DENND2B: variants seen among roughly 807,000 people sequenced by gnomAD.
The protein encoded by DENND2B is DENN domain-containing protein 2B.
DENND2B carries 32 observed loss-of-function variants against 116.0 expected under a neutral mutation model. The ratio of observed to expected loss-of-function variants is 0.28; its 90% confidence interval spans 0.21 to 0.37. DENND2B has a LOEUF of 0.37. DENND2B is among the 10% of genes least tolerant of loss of function. The pLI is 1.00. For missense variants in DENND2B, 1,276 were observed against 1,477.7 expected, an observed-to-expected ratio of 0.86 and a Z score of 2.24; for synonymous variants, 588 against 583.9, an observed-to-expected ratio of 1.01 and a Z score of -0.10.
At chr11:8,872,501 AAG>A, upstream of DENND2B, among the ~76,000 whole-genome samples, 1 of 151,772 alleles carries the variant, frequency 6.6e-6, no homozygotes, top group African/African-American at 2.4e-5. Context: ...AAAAAAAAAA[AAG>A]AAAAAAAAAG....
In DENND2B at chr11:8,885,886, T is replaced by G. The variant is rs139269805; in HGVS notation, c.-255-4777A>C. On this transcript the variant is annotated intron_variant, in intron 1 of 22. Transcript: ENST00000534127. ...TCAGCTATAATTACATTGAATTTTC[T>G]GAAAGAGAGACTAATGTGAACAATA... Among the ~76,000 whole-genome samples, 756 of 152,318 alleles carry G rather than the reference T, an allele frequency of 5.0e-3. 12 individuals are homozygous for G. The highest frequency in any genetic ancestry group is 0.017 in the African/African-American group (716 of 41,580).
At chr11:8,813,386 T>G (rs1185945199), upstream of DENND2B, among the ~76,000 whole-genome samples, 1 of 151,978 alleles carries the variant, frequency 6.6e-6, no homozygotes, top group Non-Finnish European at 1.5e-5. Flanking sequence ...ATCCCAAGTC[T>G]ACAAAGAAAG....
At chr11:8,908,987 A>C (rs2064274245) in intron 1 of DENND2B, among the ~76,000 whole-genome samples, 1 of 152,172 alleles carries the variant, frequency 6.6e-6, no homozygotes, top group Non-Finnish European at 1.5e-5. Context: ...TCACACATTC[A>C]AGGGCTATTT....
intron 1 of DENND2B, among the ~76,000 whole-genome samples, chr11:8,885,191 G>T (rs2134733653): frequency 6.6e-6 from 1 of 152,292 alleles, no homozygotes; most frequent in African/African-American, 2.4e-5. Context: ...TGCTTATCTG[G>T]TTCCTGACCC....
intron 3 of DENND2B, among the ~76,000 whole-genome samples, chr11:8,853,950 G>A (rs1263326218): frequency 6.8e-6 from 1 of 146,428 alleles, no homozygotes; most frequent in East Asian, 2.1e-4. Context: ...CTGGGCTCAA[G>A]CAATCCTCCC....
At chr11:8,696,746 T>C in intron 17 of DENND2B, 80 bp from the exon 18 acceptor site, 1 of 1,562,568 alleles carries the variant, frequency 6.4e-7, no homozygotes, top group Admixed American at 1.8e-5. Flanking sequence ...GTAGTCTTCC[T>C]CTCCCCAACA....
In DENND2B at chr11:8,707,699, C is replaced by T; in HGVS notation, c.2430+78G>A. The T allele has an allele frequency of 7.0e-7, 1 of 1,435,410 alleles. No individual in the cohort carries two copies. The highest frequency in any genetic ancestry group is 9.5e-7 in the Non-Finnish European group (1 of 1,048,988). The allele number at this position is 1,435,410 out of a possible 1,614,324, so 88.9% of individuals were successfully genotyped here. On this transcript the variant is annotated intron_variant, in intron 12 of 19. Transcript: ENST00000313726. This position sits in a 1 kb window ranked among gnomAD's most constrained non-coding sequence, Gnocchi z 4.8. ...CGCTCACAGTCACAGGTGGTTTTCTCATCTAAGCTGGCTGCAGATACTCCT... is the reference window on the plus strand; with the variant it reads ...CGCTCACAGTCACAGGTGGTTTTCTTATCTAAGCTGGCTGCAGATACTCCT...
intron 1 of DENND2B, among the ~76,000 whole-genome samples, chr11:8,886,342 G>A (rs903502286): frequency 6.6e-6 from 1 of 152,070 alleles, no homozygotes; most frequent in Non-Finnish European, 1.5e-5. Context: ...AAGACACAAA[G>A]ATTTTCATTG....
In DENND2B at chr11:8,822,277, C is replaced by T. The variant is rs114645382; in HGVS notation, c.-114-10942G>A. On this transcript the variant is annotated intron_variant, in intron 4 of 6. Transcript: ENST00000524757. ...AGCATGATAATTAGATATACTAATA[C>T]ACTGTGAAACAACTATCACAAACAA... Among the ~76,000 whole-genome samples, 384 of 152,242 alleles carry T rather than the reference C, an allele frequency of 2.5e-3. 3 individuals carry two copies. Among genetic ancestry groups the T allele is most frequent in the African/African-American group, 9.0e-3 (372 of 41,550 alleles).
Position 8,817,426 on chromosome 11 carries a change from G to A in DENND2B, c.-114-6091C>T, listed in dbSNP as rs146498421. Among the ~76,000 whole-genome samples, 432 of 152,238 alleles carry A rather than the reference G, an allele frequency of 2.8e-3. 6 individuals carry two copies. Among genetic ancestry groups the A allele is most frequent in the African/African-American group, 0.01 (417 of 41,540 alleles). ...CTTGCACAGCCTTCCTAGGAAGGCA[G>A]AGAAATACCCATTCTGTGGTCAAGT... On this transcript the variant is annotated intron_variant, in intron 4 of 6. Coordinates refer to the DENND2B transcript ENST00000524757.
intron 1 of DENND2B, among the ~76,000 whole-genome samples, chr11:8,768,355 T>C (rs2056260254): frequency 6.6e-6 from 1 of 152,168 alleles, no homozygotes; most frequent in African/African-American, 2.4e-5. Flanking sequence ...CAAGTGATCC[T>C]CTTGCCTCAG....
chr11:8,765,057 G>T (rs2055430429), intron 1 of DENND2B, among the ~76,000 whole-genome samples: 1 of 151,330 alleles, frequency 6.6e-6, no homozygotes, highest in Non-Finnish European at 1.5e-5. Flanking sequence ...ATCTAGTTCA[G>T]AAGGCTCTGA....
At chr11:8,884,279 C>CAAA (rs2063935044) in intron 1 of DENND2B, among the ~76,000 whole-genome samples, 1 of 72,290 alleles carries the variant, frequency 1.4e-5, no homozygotes. Context: ...AGTCTACTAA[C>CAAA]AGAAAAAAAA....
At chr11:8,710,238 G>A (rs2133788780) in intron 11 of DENND2B, among the ~76,000 whole-genome samples, 1 of 152,270 alleles carries the variant, frequency 6.6e-6, no homozygotes, top group African/African-American at 2.4e-5. Context: ...CAGGACTAAT[G>A]GGAAGGGAAA....
chr11:8,699,054 G>A, intron 15 of DENND2B, 80 bp from the exon 16 acceptor site: 2 of 1,580,660 alleles, frequency 1.3e-6, no homozygotes, highest in Non-Finnish European at 1.7e-6. Context: ...GACCTCCCAG[G>A]TTCCCAGGGT....
At chr11:8,811,093 G>C (rs566230067), upstream of DENND2B, 2 of 391,594 alleles carry the variant, frequency 5.1e-6, no homozygotes, top group African/African-American at 4.1e-5. Flanking sequence ...CGCTTGAAGG[G>C]GACCCAGCTT....
intron 2 of DENND2B, among the ~76,000 whole-genome samples, chr11:8,748,072 A>G (rs1197030604): frequency 6.6e-6 from 1 of 152,144 alleles, no homozygotes; most frequent in East Asian, 1.9e-4. Flanking sequence ...AATGCGTCTT[A>G]GAACCACTGG....
At chr11:8,834,242 A>C (rs971879381) in intron 4 of DENND2B, among the ~76,000 whole-genome samples, 1 of 152,326 alleles carries the variant, frequency 6.6e-6, no homozygotes, top group Non-Finnish European at 1.5e-5. Flanking sequence ...TTCCACAAGG[A>C]GATGCTGCAG....
intron 16 of DENND2B, among the ~76,000 whole-genome samples, chr11:8,698,450 C>T (rs35126830): frequency 0.064 from 9,773 of 152,326 alleles, 453 homozygotes; most frequent in Non-Finnish European, 0.092. Context: ...TAGGGGAGAG[C>T]ACTGGGTTGT....
Sources: gnomAD v4.1 joint callset for allele counts (sites outside exome capture counted in the v4.1 genomes callset) on GRCh38, gnomAD v4.1.1 for gene constraint, Gnocchi (gnomAD v3.1) non-coding constraint, MANE v1.5 for transcripts, NCBI Gene and HGNC (gene_info 2026-07-23, HGNC 2026-07-21) for gene names.